The following CDC20B variants were observed in gnomAD, a reference collection of about 807,000 sequenced individuals.
CDC20B encodes cell division cycle protein 20 homolog B.
Under a neutral mutation model 64.1 loss-of-function variants are expected in CDC20B, and 58 were observed. That is an observed-to-expected ratio of 0.90 (90% CI 0.73 to 1.13). The LOEUF (loss-of-function observed/expected upper bound fraction) is 1.13. Among genes scored for constraint, CDC20B ranks in the 50% most tolerant of loss-of-function variants. The pLI is 0.00. For missense variants in CDC20B, 597 were observed against 633.0 expected (o/e 0.94, Z 0.61); for synonymous variants, 243 against 230.6 (o/e 1.05, Z -0.49).
intron 2 of CDC20B, among the ~76,000 whole-genome samples, chr5:55,153,240 T>TA (rs1206577177): frequency 0.58 from 51,080 of 87,682 alleles, 14,911 homozygotes; most frequent in Middle Eastern, 0.66. Flanking sequence ...CCTTGTCTCA[T>TA]AAAAAAAAAA....
chr5:55,139,881 A>C (rs967079153), intron 5 of CDC20B, among the ~76,000 whole-genome samples: 8 of 151,940 alleles, frequency 5.3e-5, no homozygotes, highest in Admixed American at 6.6e-5. Context: ...AAAAAAATTA[A>C]CCAGGCATGG....
chr5:55,168,305 T>C (rs1333182713), intron 2 of CDC20B, among the ~76,000 whole-genome samples: 1 of 151,914 alleles, frequency 6.6e-6, no homozygotes, highest in Non-Finnish European at 1.5e-5. Context: ...AGTAGTGACA[T>C]TCCCAGCACC....
rs1416317050 is a variant in CDC20B, at chr5:55,120,458, C to T, written c.1308G>A (p.Gly436=). 16 of 1,613,798 alleles carry T rather than the reference C, an allele frequency of 9.9e-6. No individual in the cohort carries two copies. The highest frequency in any genetic ancestry group is 1.1e-5 in the Non-Finnish European group (13 of 1,179,802). ...TTGTGCTTGGGGTCTGGATGCTCTT[C>T]CCAGCATTTATATCCAAGATGTGTA... is the stretch of plus-strand genomic sequence containing the variant. ...GRLHILDINA[G]KSIQTPSTNS... Residue 436 remains glycine (G), a synonymous_variant, in exon 10 of 12, where the codon GGG becomes GGA. Coordinates refer to ENST00000381375, the MANE Select transcript of CDC20B (RefSeq NM_001170402.1).
intron 2 of CDC20B, among the ~76,000 whole-genome samples, chr5:55,149,736 T>TA (rs1193310656): frequency 6.6e-6 from 1 of 152,102 alleles, no homozygotes; most frequent in Non-Finnish European, 1.5e-5. Context: ...GCTTAATGGG[T>TA]ATGGAGTTTT....
At chr5:55,124,333 T>C (rs541312379) in intron 9 of CDC20B, among the ~76,000 whole-genome samples, 1 of 152,164 alleles carries the variant, frequency 6.6e-6, no homozygotes, top group African/African-American at 2.4e-5. Flanking sequence ...ACCAGAGTTA[T>C]AAGGAAAAAT....
intron 5 of CDC20B, among the ~76,000 whole-genome samples, chr5:55,138,835 G>A (rs1743253972): frequency 6.6e-6 from 1 of 150,518 alleles, no homozygotes; most frequent in South Asian, 2.1e-4. Flanking sequence ...ACAGAGTTGA[G>A]GAAATCACCC....
At chr5:55,164,994 T>A (rs967698888) in intron 2 of CDC20B, 14 of 152,234 alleles carry the variant, frequency 9.2e-5, no homozygotes, top group African/African-American at 3.4e-4. Flanking sequence ...TAAGTCAGTC[T>A]TTATTTTTGC....
chr5:55,131,679 CTA>C (rs1009244494), intron 6 of CDC20B, among the ~76,000 whole-genome samples: 2 of 152,212 alleles, frequency 1.3e-5, no homozygotes, highest in Non-Finnish European at 2.9e-5. Flanking sequence ...TAAAACTTGA[CTA>C]GAGTGGATTT....
chr5:55,120,458 C>G lies in CDC20B; in HGVS notation c.1308G>C (p.Gly436=). Residue 436 remains glycine (G), a synonymous_variant, in exon 10 of 12, where the codon GGG becomes GGC. Transcript: ENST00000381375. ...TTGTGCTTGGGGTCTGGATGCTCTT[C>G]CCAGCATTTATATCCAAGATGTGTA... is the stretch of plus-strand genomic sequence containing the variant. ...GRLHILDINA[G]KSIQTPSTNS... 6.2e-7 allele frequency: 1 copy of G among 1,613,798 alleles called. No homozygotes were observed. Among genetic ancestry groups the G allele is most frequent in the Non-Finnish European group, 8.5e-7 (1 of 1,179,802 alleles).
chr5:55,171,945 T>C (rs930607174), intron 2 of CDC20B, among the ~76,000 whole-genome samples: 5 of 152,038 alleles, frequency 3.3e-5, no homozygotes, highest in Non-Finnish European at 4.4e-5. Context: ...ATTAAAATGG[T>C]GGTGGATTTG....
chr5:55,137,270 C>A (rs764970678), intron 5 of CDC20B: 1 of 259,410 alleles, frequency 3.9e-6, no homozygotes, highest in Non-Finnish European at 7.8e-6. Context: ...ATTATCTCCC[C>A]ACTGCATGGC....
At chr5:55,126,387 T>C (rs1429567508) in intron 8 of CDC20B, 1 of 184,880 alleles carries the variant, frequency 5.4e-6, no homozygotes. Context: ...TAGTCCCAGC[T>C]ACTCGGGAGG....
At chr5:55,164,049 T>G in intron 2 of CDC20B, 2 of 1,559,210 alleles carry the variant, frequency 1.3e-6, no homozygotes, top group Non-Finnish European at 1.7e-6. Flanking sequence ...GTTCTGGATA[T>G]TTTAGATTCT....
chr5:55,122,578 G>A (rs532383840), intron 9 of CDC20B, among the ~76,000 whole-genome samples: 5 of 152,208 alleles, frequency 3.3e-5, no homozygotes, highest in African/African-American at 1.2e-4. Flanking sequence ...TTTGAATGTG[G>A]GACTTGTGAC....
chr5:55,142,832 T>C (rs955789857), intron 4 of CDC20B, among the ~76,000 whole-genome samples: 1 of 152,228 alleles, frequency 6.6e-6, no homozygotes, highest in Non-Finnish European at 1.5e-5. Context: ...AGGCATACAC[T>C]GAATAAGTAA....
At chr5:55,153,697 T>C (rs1561299216) in intron 2 of CDC20B, among the ~76,000 whole-genome samples, 1 of 152,216 alleles carries the variant, frequency 6.6e-6, no homozygotes, top group Non-Finnish European at 1.5e-5. Flanking sequence ...AATTGTTGAT[T>C]ACTCTAAGCT....
intron 11 of CDC20B, among the ~76,000 whole-genome samples, chr5:55,116,971 C>T (rs1742639148): frequency 1.3e-5 from 2 of 152,114 alleles, no homozygotes; most frequent in Admixed American, 6.5e-5. Context: ...GTCTTTATCT[C>T]GGACAAAGGT....
At chr5:55,150,382 G>C (rs148803238) in intron 2 of CDC20B, among the ~76,000 whole-genome samples, 1 of 152,200 alleles carries the variant, frequency 6.6e-6, no homozygotes, top group African/African-American at 2.4e-5. Context: ...CATTGGTTCA[G>C]TTTGGGTTTT....
Position 55,172,613 on chromosome 5 carries a change from T to C in CDC20B, c.101A>G (p.Gln34Arg), listed in dbSNP as rs770772490. Residue 34 changes from glutamine to arginine, a missense_variant, in exon 2 of 12, where the codon CAG (glutamine) becomes CGG (arginine). Physicochemically the swap from Gln to Arg is conservative, Grantham distance 43 (BLOSUM62 1). Coordinates refer to ENST00000381375, the MANE Select transcript of CDC20B (RefSeq NM_001170402.1). Reference protein sequence around the residue: ...IMRVLSKDLKQKRSQDSANVL... With the variant: ...IMRVLSKDLKRKRSQDSANVL... ...GTTGGCGGAATCTTGACTTCTCTTC[T>C]GCTTCAAGTCTTTGGAGAGCACACG... 1.9e-6 allele frequency: 3 copies of C among 1,613,670 alleles called. No homozygotes were observed. Among genetic ancestry groups the C allele is most frequent in the African/African-American group, 1.3e-5 (1 of 74,960 alleles).
Sources: gnomAD v4.1 joint callset for allele counts (sites outside exome capture counted in the v4.1 genomes callset) on GRCh38, gnomAD v4.1.1 for gene constraint, MANE v1.5 for transcripts, NCBI Gene and HGNC (gene_info 2026-07-23, HGNC 2026-07-21) for gene names.